POLR3A: variants seen among roughly 807,000 people sequenced by gnomAD.
POLR3A encodes the protein RNA polymerase III subunit A, also known as DNA-directed RNA polymerase III subunit RPC1.
In POLR3A, 112 loss-of-function variants were observed where a neutral mutation model predicts 152.8. The observed-to-expected ratio is 0.73, with a 90% CI of 0.63 to 0.86. The LOEUF is 0.86. Among genes scored for constraint, POLR3A ranks in the 40% least tolerant of loss-of-function variants. POLR3A has a pLI of 0.00. For missense variants in POLR3A, 1,385 were observed against 1,743.1 expected (o/e 0.79, Z 3.66); for synonymous variants, 615 against 652.1 (o/e 0.94, Z 0.87).
Position 77,993,225 on chromosome 10 carries a change from T to G in POLR3A, c.2759A>C (p.Glu920Ala), listed in dbSNP as rs1169394712. 6.2e-7 allele frequency: 1 copy of G among 1,613,846 alleles called. No homozygotes were observed. The highest frequency in any genetic ancestry group is 1.7e-5 in the Admixed American group (1 of 60,026). Residue 920 changes from glutamate (E) to alanine (A), a missense_variant, in exon 20 of 31, where the codon GAG becomes GCG. By Grantham distance (107) the Glu-to-Ala change is moderately radical (BLOSUM62 -1). Coordinates refer to ENST00000372371, the MANE Select transcript of POLR3A (RefSeq NM_007055.4). Reference protein sequence around the residue: ...AAMEGKDEPLEFKRVLDNIKA... With the variant: ...AAMEGKDEPLAFKRVLDNIKA... Reference sequence around the variant, plus strand: ...GATGTTGTCCAGAACCCTTTTAAACTCCAAAGGTTCATCTTTTCCCTCCAT... The same window carrying G: ...GATGTTGTCCAGAACCCTTTTAAACGCCAAAGGTTCATCTTTTCCCTCCAT...
chr10:77,987,295 G>C (rs947594735), intron 21 of POLR3A, among the ~76,000 whole-genome samples: 13 of 152,152 alleles, frequency 8.5e-5, no homozygotes, highest in African/African-American at 2.9e-4. Flanking sequence ...TGAGAATATG[G>C]GGAAGAGGAG....
chr10:77,988,179 T>C (rs1386575842), intron 21 of POLR3A, among the ~76,000 whole-genome samples: 1 of 152,050 alleles, frequency 6.6e-6, no homozygotes, highest in Non-Finnish European at 1.5e-5. Flanking sequence ...CCACGGAGGG[T>C]GACCCTGCAG....
chr10:77,997,786 C>A (rs1244063456), intron 19 of POLR3A, among the ~76,000 whole-genome samples: 2 of 146,070 alleles, frequency 1.4e-5, no homozygotes, highest in Non-Finnish European at 2.9e-5. Flanking sequence ...TCTTTCTTCA[C>A]AAATTGGAAA....
At chr10:78,025,247 T>C in intron 3 of POLR3A, 105 bp from the exon 4 acceptor site, 2 of 1,195,074 alleles carry the variant, frequency 1.7e-6, no homozygotes, top group Non-Finnish European at 2.5e-6. Context: ...CACGTGACCA[T>C]ATACACAGAT....
chr10:77,982,092 G>T, intron 28 of POLR3A, 62 bp downstream of exon 28: 2 of 1,052,120 alleles, frequency 1.9e-6, no homozygotes, highest in Non-Finnish European at 3.0e-6. Flanking sequence ...TCAGTGGAAG[G>T]CCTGCAGATG....
At position 77,982,240 on chromosome 10, in the gene POLR3A, G is replaced by A; in HGVS notation, c.3673C>T (p.Leu1225Phe). 1.2e-6 allele frequency: 2 copies of A among 1,613,926 alleles called. No individual in the cohort carries two copies. The highest frequency in any genetic ancestry group is 1.7e-6 in the Non-Finnish European group (2 of 1,179,962). ...CGCAGGTTATCACCTTCCACCAGAA[G>A]CTTGTACTTCTCCTTTCCACTCTGC... ...DEQSGKEKYK[L>F]LVEGDNLRAV... Residue 1225 changes from leucine to phenylalanine, a missense_variant, in exon 28 of 31, where the codon CTT becomes TTT. By Grantham distance (22) the Leu-to-Phe change is conservative. Coordinates refer to ENST00000372371, the MANE Select transcript of POLR3A (RefSeq NM_007055.4).
chr10:78,017,438 G>A (rs988462726), intron 10 of POLR3A, 137 bp downstream of exon 10: 2 of 810,568 alleles, frequency 2.5e-6, no homozygotes, highest in South Asian at 1.7e-5. Flanking sequence ...CAGAGCAAGA[G>A]CCTGTCTCAA....
chr10:78,022,672 T>A (rs1847591317), intron 5 of POLR3A, among the ~76,000 whole-genome samples: 1 of 152,214 alleles, frequency 6.6e-6, no homozygotes, highest in Non-Finnish European at 1.5e-5. Context: ...TTTTTTGTTA[T>A]TTTTTATCCG....
At chr10:77,981,585 A>G (rs1847142836) in intron 28 of POLR3A, 26 bp from the exon 29 acceptor site, 1 of 1,613,800 alleles carries the variant, frequency 6.2e-7, no homozygotes. Flanking sequence ...AATGAGCAGA[A>G]GCAGCCCCTT....
rs775052362 is a variant in POLR3A, at chr10:77,980,279, T to C, written c.3892-6A>G. The stretch of plus-strand genomic sequence containing the variant: ...GTGATGCCCAGGACTTCACCCTGCG[T>C]CAAGGGAGAAAGAGTCACGGTGGTA... On this transcript the variant is annotated splice_region_variant and splice_polypyrimidine_tract_variant and intron_variant, in intron 29 of 30. Coordinates refer to ENST00000372371, the MANE Select transcript of POLR3A (RefSeq NM_007055.4). 2 of 1,613,834 alleles carry C rather than the reference T, an allele frequency of 1.2e-6. No homozygotes were observed. The highest frequency in any genetic ancestry group is 1.7e-6 in the Non-Finnish European group (2 of 1,179,884).
rs1034632213 is a variant in POLR3A at position 78,025,606 on chromosome 10, G to A, written c.318+16C>T. The A allele has an allele frequency of 6.2e-7, 1 of 1,613,702 alleles. No homozygotes were observed. Among genetic ancestry groups the A allele is most frequent in the African/African-American group, 1.3e-5 (1 of 75,020 alleles). ...TCCAGAATTTATGTCTTGGAAATCAGCACCTGTGTGCTTACCTGTAAGATG... is the reference window on the plus strand; with the variant it reads ...TCCAGAATTTATGTCTTGGAAATCAACACCTGTGTGCTTACCTGTAAGATG... On this transcript the variant is annotated intron_variant, in intron 3 of 30. Coordinates refer to ENST00000372371, the MANE Select transcript of POLR3A (RefSeq NM_007055.4).
At position 78,010,453 on chromosome 10, in the gene POLR3A, T is replaced by C; in HGVS notation, c.1642+18A>G. 1.3e-6 allele frequency: 2 copies of C among 1,585,852 alleles called. No individual in the cohort carries two copies. Among genetic ancestry groups the C allele is most frequent in the Non-Finnish European group, 1.7e-6 (2 of 1,154,212 alleles). ...TTCCAGTCAGAAATCTCCTTTCAAG[T>C]GAACTTCACCAACCTACCTGTTAGA... On this transcript the variant is annotated intron_variant, in intron 12 of 30. Transcript: ENST00000372371.
chr10:78,015,981 G>A (rs1437649589), intron 10 of POLR3A, among the ~76,000 whole-genome samples: 1 of 152,144 alleles, frequency 6.6e-6, no homozygotes, highest in African/African-American at 2.4e-5. Flanking sequence ...GATATAATGT[G>A]TTCAGACGAC....
At chr10:77,981,882 A>C (rs1847146719) in intron 28 of POLR3A, among the ~76,000 whole-genome samples, 3 of 147,436 alleles carry the variant, frequency 2.0e-5, no homozygotes, top group Admixed American at 6.8e-5. Context: ...AAAAAAAAAA[A>C]AAAAAAATTA....
intron 10 of POLR3A, among the ~76,000 whole-genome samples, chr10:78,014,327 A>G (rs184892081): frequency 1.0e-3 from 154 of 152,362 alleles, no homozygotes; most frequent in Non-Finnish European, 1.9e-3. Flanking sequence ...CCAACTAAAT[A>G]AAAACCCATG....
intron 10 of POLR3A, among the ~76,000 whole-genome samples, chr10:78,015,176 A>G (rs1038601993): frequency 1.3e-5 from 2 of 152,238 alleles, no homozygotes; most frequent in Admixed American, 1.3e-4. Flanking sequence ...TAAACTGGAT[A>G]CATATTGAAA....
At chr10:77,980,537 A>T (rs914353918) in intron 29 of POLR3A, among the ~76,000 whole-genome samples, 3 of 151,816 alleles carry the variant, frequency 2.0e-5, no homozygotes, top group Non-Finnish European at 4.4e-5. Context: ...AACTTTAAAA[A>T]AGGGGAGTAT....
At chr10:77,999,340 G>A (rs1847332673) in intron 19 of POLR3A, among the ~76,000 whole-genome samples, 2 of 152,080 alleles carry the variant, frequency 1.3e-5, no homozygotes, top group South Asian at 2.1e-4. Flanking sequence ...ATTGAGTGGA[G>A]AGTACAGGGA....
At position 77,984,153 on chromosome 10, in the gene POLR3A, T is replaced by C. The variant is rs994565813; in HGVS notation, c.3336+52A>G. The C allele has an allele frequency of 3.7e-6, 5 of 1,334,982 alleles. No individual in the cohort carries two copies. The African/African-American group carries it at 7.2e-5, about 19-fold the overall frequency. The allele number at this position is 1,334,982 out of a possible 1,614,324, so 82.7% of individuals were successfully genotyped here. A position where few individuals can be genotyped will look rare whatever the true frequency, so the allele number is the denominator to read the frequency against. On this transcript the variant is annotated intron_variant, in intron 25 of 30. Transcript: ENST00000372371. ...GATGGCAGCTGATTTTTACACTTCC[T>C]TGCAACATTGCTGAGCTAGTTTTCT...
Sources: gnomAD v4.1 joint callset for allele counts (sites outside exome capture counted in the v4.1 genomes callset) on GRCh38, gnomAD v4.1.1 for gene constraint, MANE v1.5 for transcripts, NCBI Gene and HGNC (gene_info 2026-07-23, HGNC 2026-07-21) for gene names.